Variants in ABCB4 observed in about 807,000 individuals in gnomAD.
ABCB4 encodes ATP binding cassette subfamily B member 4.
In ABCB4, 76 loss-of-function variants were observed where a neutral mutation model predicts 145.7. The ratio of observed to expected loss-of-function variants is 0.52; its 90% CI spans 0.43 to 0.63. The LOEUF is 0.63. ABCB4 is among the 30% of genes least tolerant of loss of function. The pLI is 0.00. For synonymous variants in ABCB4, 517 were observed against 566.8 expected (o/e 0.91, Z 1.25); for missense variants, 1,234 against 1,553.1 (o/e 0.79, Z 3.45).
intron 6 of ABCB4, among the ~76,000 whole-genome samples, chr7:87,452,173 GA>G (rs1348823956): frequency 1.3e-5 from 2 of 152,064 alleles, no homozygotes; most frequent in Non-Finnish European, 1.5e-5. Flanking sequence ...AAGTAATAGG[GA>G]AGAGATCTTT....
chr7:87,446,959 A>G, intron 9 of ABCB4, 75 bp downstream of exon 9: 1 of 1,348,390 alleles, frequency 7.4e-7, no homozygotes, highest in Non-Finnish European at 1.1e-6. Flanking sequence ...AAAAGGAGCG[A>G]TATCAAAGAA....
At chr7:87,436,914 G>C (rs45503696) in intron 14 of ABCB4, among the ~76,000 whole-genome samples, 3,665 of 152,274 alleles carry the variant, frequency 0.024, 80 homozygotes, top group Non-Finnish European at 0.035. Context: ...GGGTCAAGAT[G>C]AGCTGAAAAT....
At position 87,408,043 on chromosome 7, in the gene ABCB4, C is replaced by T. The variant is rs749647874; in HGVS notation, c.3273G>A (p.Gly1091=). Residue 1091 remains glycine (G), a synonymous_variant, in exon 25 of 28, where the codon GGG becomes GGA. Coordinates refer to ENST00000649586, the MANE Select transcript of ABCB4 (RefSeq NM_000443.4). ...LLERFYDPLA[G]TVLLDGQEAK... ...TATAAGGAAATGTGCTCACCACTGT[C>T]CCCGCCAAGGGGTCGTAGAACCGCT... The T allele has an allele frequency of 2.3e-5, 37 of 1,613,580 alleles. No homozygotes were observed. The South Asian group carries it at 3.6e-4, about 16-fold the overall frequency.
At chr7:87,464,827 G>T (rs528412999) in intron 3 of ABCB4, among the ~76,000 whole-genome samples, 36 of 152,108 alleles carry the variant, frequency 2.4e-4, no homozygotes, top group Non-Finnish European at 4.6e-4. Flanking sequence ...CTACATTAAG[G>T]TTTGTAGGAT....
chr7:87,391,340 CG>C, the ABCB4 span, among the ~76,000 whole-genome samples: 1 of 152,168 alleles, frequency 6.6e-6, no homozygotes, highest in Admixed American at 6.5e-5. Context: ...GCAGGAATCA[CG>C]GGGGCCATCT....
At chr7:87,448,160 A>G (rs1249646189) in intron 8 of ABCB4, among the ~76,000 whole-genome samples, 1 of 152,176 alleles carries the variant, frequency 6.6e-6, no homozygotes, top group East Asian at 1.9e-4. Context: ...TTTTCATACT[A>G]GACCCAGAGG....
the ABCB4 span, among the ~76,000 whole-genome samples, chr7:87,375,055 G>A: frequency 1.3e-5 from 2 of 152,012 alleles, no homozygotes; most frequent in Admixed American, 1.3e-4. Flanking sequence ...AAATACTGTG[G>A]AGGGGGAGTA....
At position 87,403,962 on chromosome 7, in the gene ABCB4, AAG is replaced by A. The variant is rs1285483051; in HGVS notation, c.3487-683_3487-682del. The stretch of plus-strand genomic sequence containing the variant: ...TTTGAGAGAGCATTCTAGGCTGAGA[AAG>A]AGCATATGAATAGAGATGTAAATTG... On this transcript the variant is annotated intron_variant, in intron 26 of 27. Coordinates refer to ENST00000649586, the MANE Select transcript of ABCB4 (RefSeq NM_000443.4). Among the ~76,000 whole-genome samples, 3 of 152,290 alleles carry A rather than the reference AAG, an allele frequency of 2.0e-5. No individual in the cohort carries two copies. The East Asian group carries it at 5.8e-4, about 29-fold the overall frequency.
intron 3 of ABCB4, among the ~76,000 whole-genome samples, chr7:87,468,352 G>A (rs1317118185): frequency 6.6e-6 from 1 of 152,148 alleles, no homozygotes; most frequent in African/African-American, 2.4e-5. Context: ...CCAGGAAGAA[G>A]TTGAATCTCT....
the ABCB4 span, among the ~76,000 whole-genome samples, chr7:87,380,649 T>C: frequency 6.6e-6 from 1 of 152,210 alleles, no homozygotes; most frequent in African/African-American, 2.4e-5. Flanking sequence ...CAGGATAGCA[T>C]TGGAATTTTA....
At chr7:87,444,827 G>A (rs755299423) in intron 10 of ABCB4, 35 bp downstream of exon 10, 1 of 1,500,052 alleles carries the variant, frequency 6.7e-7, no homozygotes, top group Non-Finnish European at 9.2e-7. Flanking sequence ...CAAGCTCAAA[G>A]ACTTCTTTTG....
chr7:87,458,263 G>A (rs45507591), intron 4 of ABCB4, among the ~76,000 whole-genome samples: 3,621 of 152,214 alleles, frequency 0.024, 139 homozygotes, highest in African/African-American at 0.083. Context: ...CTCCAACTCC[G>A]TCCTTAATGT....
the ABCB4 span, among the ~76,000 whole-genome samples, chr7:87,379,463 T>C: frequency 2.0e-5 from 3 of 152,252 alleles, no homozygotes; most frequent in Non-Finnish European, 4.4e-5. Flanking sequence ...CATCTTGCTT[T>C]CCGTCCCTCA....
At position 87,403,157 on chromosome 7, in the gene ABCB4, G is replaced by A. The variant is rs1807927720; in HGVS notation, c.3611C>T (p.Ala1204Val). The change falls in exon 27 of 28, where the codon GCT (alanine) becomes GTT (valine). Residue 1204 changes from alanine (A) to valine (V), a missense_variant. Ala to Val is a moderately conservative substitution (Grantham distance 64, BLOSUM62 0). Coordinates refer to ENST00000649586, the MANE Select transcript of ABCB4 (RefSeq NM_000443.4). ...CACCTTTTCACTTTCAGTATCCAGA[G>A]CTGATGTAGCTTCATCCAACAGGAG... ...QILLLDEATS[A>V]LDTESEKVVQ... is the part of the protein sequence containing the mutation. 1 of 1,613,972 alleles carries A rather than the reference G, an allele frequency of 6.2e-7. No homozygotes were observed. Among genetic ancestry groups the A allele is most frequent in the Non-Finnish European group, 8.5e-7 (1 of 1,180,004 alleles).
chr7:87,462,717 G>A (rs779984128), intron 4 of ABCB4, 41 bp downstream of exon 4: 1 of 1,602,934 alleles, frequency 6.2e-7, no homozygotes, highest in Non-Finnish European at 8.5e-7. Flanking sequence ...CCCAGTTAAA[G>A]AAATGCTATG....
chr7:87,401,623 T>C (rs1562944603), downstream of ABCB4: 1 of 221,876 alleles, frequency 4.5e-6, no homozygotes, highest in Non-Finnish European at 9.1e-6. Flanking sequence ...TGTTGGATGA[T>C]AAAGCTGGAA....
intron 8 of ABCB4, 77 bp downstream of exon 8, chr7:87,449,891 A>C: frequency 6.2e-7 from 1 of 1,611,544 alleles, no homozygotes. Context: ...GGAAGGTAAA[A>C]AACACATACC....
At position 87,401,946 on chromosome 7, in the gene ABCB4, T is replaced by C; in HGVS notation, c.*150A>G. On this transcript the variant is annotated 3_prime_UTR_variant, in exon 28 of 28. Transcript: ENST00000649586. ...TCTAACTCTCAAATTTCAAATGCCG[T>C]AATAAACCCCAAATTGGGTCTTCTA... 9.1e-7 allele frequency: 1 copy of C among 1,095,446 alleles called. No individual in the cohort carries two copies. Among genetic ancestry groups the C allele is most frequent in the South Asian group, 1.3e-5 (1 of 74,556 alleles). The allele number at this position is 1,095,446 out of a possible 1,614,324, so 67.9% of individuals were successfully genotyped here.
chr7:87,409,767 A>G (rs1584679891), intron 23 of ABCB4, among the ~76,000 whole-genome samples: 1 of 152,290 alleles, frequency 6.6e-6, no homozygotes, highest in East Asian at 1.9e-4. Flanking sequence ...AGGGAATTGA[A>G]GCACAAAGTG....
Sources: allele counts gnomAD v4.1 joint callset (sites outside exome capture counted in the v4.1 genomes callset), GRCh38; gene constraint gnomAD v4.1.1; transcripts MANE v1.5; gene names NCBI Gene and HGNC (gene_info 2026-07-23, HGNC 2026-07-21).